The following VWA8 variants were observed in gnomAD, a reference collection of about 807,000 sequenced individuals.
VWA8 encodes the protein von Willebrand factor A domain-containing protein 8.
In VWA8, 221 loss-of-function variants were observed where a neutral mutation model predicts 241.5. That is an observed-to-expected ratio of 0.91 (90% CI 0.82 to 1.02). The LOEUF (loss-of-function observed/expected upper bound fraction) is 1.02. Ranked by LOEUF, VWA8 falls within the 50% of genes least tolerant of loss-of-function variation. VWA8 has a pLI of 0.00. For synonymous variants in VWA8, 852 were observed against 827.1 expected (o/e 1.03, Z -0.52); for missense variants, 2,322 against 2,328.7 (o/e 1.00, Z 0.06).
intron 39 of VWA8, among the ~76,000 whole-genome samples, chr13:41,607,671 G>T (rs1375419665): frequency 6.6e-6 from 1 of 152,060 alleles, no homozygotes; most frequent in East Asian, 1.9e-4. Context: ...AGAATATATA[G>T]AAATATGTGA....
chr13:41,888,659 CCTTTTA>C (rs1462206469), intron 5 of VWA8, among the ~76,000 whole-genome samples: 8 of 152,100 alleles, frequency 5.3e-5, no homozygotes, highest in Non-Finnish European at 1.0e-4. Flanking sequence ...ATTTTTGTAC[CCTTTTA>C]CTTTATCTTA....
chr13:41,610,974 C>T (rs946818541), intron 39 of VWA8, among the ~76,000 whole-genome samples: 15 of 152,304 alleles, frequency 9.8e-5, no homozygotes, highest in Admixed American at 5.2e-4. Flanking sequence ...TCCCTCCTCC[C>T]GAGCTGGTAC....
intron 41 of VWA8, among the ~76,000 whole-genome samples, chr13:41,590,173 GC>G (rs1400132586): frequency 6.6e-6 from 1 of 151,988 alleles, no homozygotes; most frequent in Non-Finnish European, 1.5e-5. Flanking sequence ...TATTCCCTTG[GC>G]CCCCTCTCTG....
intron 5 of VWA8, among the ~76,000 whole-genome samples, chr13:41,889,410 G>A (rs1189975568): frequency 2.7e-5 from 4 of 146,616 alleles, no homozygotes; most frequent in Admixed American, 6.9e-5. Context: ...ACAGAGTCTC[G>A]CTCCCTCACC....
At chr13:41,812,999 T>C (rs557419682) in intron 16 of VWA8, among the ~76,000 whole-genome samples, 3 of 152,064 alleles carry the variant, frequency 2.0e-5, no homozygotes, top group Non-Finnish European at 4.4e-5. Context: ...ATCAAAGGCA[T>C]GAAAGCAAAA....
At chr13:41,778,832 C>CTTTTTT (rs71096543) in intron 19 of VWA8, among the ~76,000 whole-genome samples, 3 of 82,648 alleles carry the variant, frequency 3.6e-5, no homozygotes, top group Admixed American at 1.5e-4. Flanking sequence ...CAGTACGTCA[C>CTTTTTT]TTTTTTTTTT....
chr13:41,665,810 C>T (rs768466247), intron 37 of VWA8, among the ~76,000 whole-genome samples: 5 of 152,008 alleles, frequency 3.3e-5, no homozygotes, highest in East Asian at 3.8e-4. Context: ...AATTATCCTA[C>T]GGCCTGTCTT....
intron 27 of VWA8, among the ~76,000 whole-genome samples, chr13:41,702,501 G>C (rs1274287727): frequency 6.6e-6 from 1 of 152,236 alleles, no homozygotes; most frequent in Non-Finnish European, 1.5e-5. Context: ...ACATGTCTGG[G>C]TGTGTTTCAC....
intron 26 of VWA8, chr13:41,719,390 T>G: frequency 2.1e-6 from 3 of 1,403,652 alleles, no homozygotes; most frequent in Non-Finnish European, 2.8e-6. Flanking sequence ...GGGACATACA[T>G]AATAATCAAA....
chr13:41,937,243 T>C (rs1392808882), intron 2 of VWA8, among the ~76,000 whole-genome samples: 1 of 152,184 alleles, frequency 6.6e-6, no homozygotes. Flanking sequence ...TTCAAATGCA[T>C]TACATTTATT....
rs562388923 is a variant in VWA8 at position 41,830,067 on chromosome 13, C to A, written c.1700+462G>T. Among the ~76,000 whole-genome samples the A allele has an allele frequency of 7.9e-5, 12 of 152,008 alleles. No individual in the cohort carries two copies. The South Asian group carries it at 1.0e-3, about 13-fold the overall frequency. On this transcript the variant is annotated intron_variant, in intron 14 of 44. Coordinates refer to ENST00000379310, the MANE Select transcript of VWA8 (RefSeq NM_015058.2). ...ACCATCCTGGCTAACAAGGTGAAAC[C>A]CTGTCTCTACTAAAAAATACAAAAA...
chr13:41,826,730 C>T (rs761131919), intron 14 of VWA8, among the ~76,000 whole-genome samples: 33 of 151,842 alleles, frequency 2.2e-4, no homozygotes, highest in Non-Finnish European at 3.5e-4. Context: ...CAAAACAAAA[C>T]GGGTGTGGCG....
intron 21 of VWA8, among the ~76,000 whole-genome samples, chr13:41,736,650 A>T (rs1435540881): frequency 2.0e-5 from 3 of 152,098 alleles, no homozygotes; most frequent in African/African-American, 7.2e-5. Flanking sequence ...TAAACATAAG[A>T]GTAAAGGAAG....
rs758174846 is a variant in VWA8 at position 41,868,415 on chromosome 13, C to T, written c.1143G>A (p.Lys381=). 18 of 1,613,982 alleles carry T rather than the reference C, an allele frequency of 1.1e-5. No homozygotes were observed. The East Asian group carries it at 1.3e-4, about 12-fold the overall frequency. ...CTTGGGACACATGGTTTTCCATCAT[C>T]TTCTCTACTTTTACAATCTCTTTAG... ...LLPKEIVKVE[K]MMENHVSQAS... The change falls in exon 10 of 45, where the codon AAG becomes AAA. Residue 381 remains lysine, a synonymous_variant. Transcript: ENST00000379310.
Position 41,833,404 on chromosome 13 carries a change from C to G in VWA8, c.1553G>C (p.Arg518Pro), listed in dbSNP as rs776040339. 6.2e-7 allele frequency: 1 copy of G among 1,613,402 alleles called. No individual in the cohort carries two copies. The highest frequency in any genetic ancestry group is 8.5e-7 in the Non-Finnish European group (1 of 1,179,706). The change falls in exon 13 of 45, where the codon CGG becomes CCG. Residue 518 changes from arginine to proline, a missense_variant. Coordinates refer to ENST00000379310, the MANE Select transcript of VWA8 (RefSeq NM_015058.2). ...GKLVLLDGIH[R>P]VNAGTLAVLQ... The stretch of plus-strand genomic sequence containing the variant: ...TACAGCAAGCGTGCCCGCATTCACC[C>G]GGTGAATGCCATCCAGCAGGACCAG...
chr13:41,771,731 A>T lies in VWA8; in HGVS notation c.2349+6254T>A, dbSNP rs2045824642. Among the ~76,000 whole-genome samples, 3 of 151,908 alleles carry T rather than the reference A, an allele frequency of 2.0e-5. No homozygotes were observed. The South Asian group carries it at 6.2e-4, about 32-fold the overall frequency. On this transcript the variant is annotated intron_variant, in intron 20 of 44. Transcript: ENST00000379310. ...GTAGCTGGGACTACAGGTGCATGCC[A>T]CCATGCCTGGCTAATTTTTTTTGTA... is the stretch of plus-strand genomic sequence containing the variant.
intron 2 of VWA8, chr13:41,927,205 T>C (rs1876887942): frequency 8.4e-6 from 4 of 474,210 alleles, no homozygotes; most frequent in African/African-American, 2.0e-5. Flanking sequence ...CGTACAGGCA[T>C]GGGCATTGAC....
chr13:41,794,318 G>A (rs568239403), intron 17 of VWA8, among the ~76,000 whole-genome samples: 2 of 152,180 alleles, frequency 1.3e-5, no homozygotes, highest in Admixed American at 1.3e-4. Flanking sequence ...CATGAGCAGT[G>A]GTTTGTAGTT....
At chr13:41,719,442 A>G (rs1359800860) in intron 26 of VWA8, 149 bp downstream of exon 26, 9 of 1,474,404 alleles carry the variant, frequency 6.1e-6, no homozygotes, top group Non-Finnish European at 6.3e-6. Flanking sequence ...ATTTAACTGA[A>G]AAGCAGCCAG....
Sources: gnomAD v4.1 joint callset for allele counts (sites outside exome capture counted in the v4.1 genomes callset) on GRCh38, gnomAD v4.1.1 for gene constraint, MANE v1.5 for transcripts, NCBI Gene and HGNC (gene_info 2026-07-23, HGNC 2026-07-21) for gene names.